Variants in XPO5 observed in about 807,000 individuals in gnomAD.
XPO5 encodes the protein exportin 5.
Under a neutral mutation model 160.6 loss-of-function variants are expected in XPO5, and 46 were observed. The ratio of observed to expected loss-of-function variants is 0.29; its 90% CI spans 0.23 to 0.37. The LOEUF (loss-of-function observed/expected upper bound fraction) is 0.37, where lower values mean the gene tolerates loss of function less well. Ranked by LOEUF, XPO5 falls within the 10% of genes least tolerant of loss-of-function variation. XPO5 has a pLI of 1.00. For missense variants in XPO5, 1,090 were observed against 1,463.9 expected (o/e 0.74, Z 4.17); for synonymous variants, 537 against 519.3 (o/e 1.03, Z -0.46).
intron 12 of XPO5, among the ~76,000 whole-genome samples, chr6:43,557,199 G>A (rs1228767928): frequency 1.3e-5 from 2 of 151,694 alleles, no homozygotes; most frequent in African/African-American, 4.9e-5. Flanking sequence ...AGCCGAGGCG[G>A]GTGGATCACG....
intron 7 of XPO5, among the ~76,000 whole-genome samples, chr6:43,566,472 A>G (rs1353395397): frequency 6.6e-6 from 1 of 152,134 alleles, no homozygotes; most frequent in Non-Finnish European, 1.5e-5. Flanking sequence ...ATTTGTAGAT[A>G]ATATTCCTAT....
intron 23 of XPO5, 70 bp downstream of exon 23, chr6:43,530,618 T>G (rs1437924116): frequency 6.5e-7 from 1 of 1,547,416 alleles, no homozygotes; most frequent in Admixed American, 1.8e-5. Flanking sequence ...CTCTGGTTGC[T>G]GTGACCTGTT....
chr6:43,556,628 A>G (rs1275254830), intron 12 of XPO5, among the ~76,000 whole-genome samples: 4 of 152,174 alleles, frequency 2.6e-5, no homozygotes, highest in Non-Finnish European at 4.4e-5. Flanking sequence ...AAAATATTAA[A>G]CTTGCAATTG....
chr6:43,531,582 G>A lies in XPO5; in HGVS notation c.2444-7C>T, dbSNP rs780197143. 1.2e-6 allele frequency: 2 copies of A among 1,608,878 alleles called. No individual in the cohort carries two copies. Among genetic ancestry groups the A allele is most frequent in the Non-Finnish European group, 1.7e-6 (2 of 1,175,288 alleles). On this transcript the variant is annotated splice_polypyrimidine_tract_variant and splice_region_variant and intron_variant, in intron 21 of 31. Transcript: ENST00000265351. Reference sequence around the variant, plus strand: ...AAGAGAGGTTGAGGTAATCCTACAGGGAAATACGGGTCAAGAACATGATGC... The same window carrying A: ...AAGAGAGGTTGAGGTAATCCTACAGAGAAATACGGGTCAAGAACATGATGC...
At chr6:43,546,865 T>A (rs1794989015) in intron 19 of XPO5, 113 bp from the exon 20 acceptor site, 1 of 1,071,170 alleles carries the variant, frequency 9.3e-7, no homozygotes, top group South Asian at 1.8e-5. Context: ...CCAGAGAGAA[T>A]GAAATAATCC....
At chr6:43,542,228 G>A (rs566782142) in intron 20 of XPO5, among the ~76,000 whole-genome samples, 2 of 152,114 alleles carry the variant, frequency 1.3e-5, no homozygotes, top group South Asian at 4.2e-4. Flanking sequence ...TGAAAGTACT[G>A]TAACACTTGA....
intron 11 of XPO5, 74 bp downstream of exon 11, chr6:43,560,104 C>A: frequency 1.3e-6 from 2 of 1,524,846 alleles, no homozygotes; most frequent in Admixed American, 1.9e-5. Context: ...TAGGCGTGAG[C>A]CACCGCACCC....
chr6:43,551,191 G>T, intron 15 of XPO5, 107 bp downstream of exon 15: 1 of 1,226,412 alleles, frequency 8.2e-7, no homozygotes, highest in Non-Finnish European at 1.1e-6. Context: ...AGTAATTTGA[G>T]TCCAGCCTGG....
chr6:43,557,617 G>C (rs113061002), intron 12 of XPO5, among the ~76,000 whole-genome samples: 2,804 of 152,072 alleles, frequency 0.018, 35 homozygotes, highest in South Asian at 0.039. Flanking sequence ...GGAATTGGGG[G>C]ATGACTCCTA....
chr6:43,572,597 A>G lies in XPO5; in HGVS notation c.228-19T>C. 1.2e-6 allele frequency: 2 copies of G among 1,613,464 alleles called. No individual in the cohort carries two copies. The highest frequency in any genetic ancestry group is 1.7e-6 in the Non-Finnish European group (2 of 1,179,424). ...CCGAAACCTGACCACCAAAATGCAT[A>G]AAGTCAATAGAACCACTTTAGAAGT... On this transcript the variant is annotated intron_variant, in intron 2 of 31. Transcript: ENST00000265351.
chr6:43,530,709 A>G lies in XPO5; in HGVS notation c.2656T>C (p.Tyr886His), dbSNP rs748403558. ...AFVNLNNIPD[Y>H]RLRPMLRVFV... ...ATATGAAGCATGGGTCTGAGTCGGT[A>G]GTCAGGAATATTGTTCAAGTTGACA... is the stretch of plus-strand genomic sequence containing the variant. The change falls in exon 23 of 32, where the codon TAC becomes CAC. Residue 886 changes from tyrosine to histidine, a missense_variant. Physicochemically the swap from Tyr to His is moderately conservative, Grantham distance 83. This residue lies in a region of XPO5 where 810 missense variants were observed against 1,139.0 expected (regional missense o/e 0.71). Coordinates refer to ENST00000265351, the MANE Select transcript of XPO5 (RefSeq NM_020750.3). 6.2e-7 allele frequency: 1 copy of G among 1,614,004 alleles called. No individual in the cohort carries two copies. Among genetic ancestry groups the G allele is most frequent in the Non-Finnish European group, 8.5e-7 (1 of 1,179,898 alleles).
At chr6:43,539,609 C>T in intron 20 of XPO5, 1 of 1,383,060 alleles carries the variant, frequency 7.2e-7, no homozygotes, top group Admixed American at 1.9e-5. Context: ...GCCCCGGATG[C>T]CACTGGCGAA....
chr6:43,568,060 G>A (rs1401153565), intron 6 of XPO5, among the ~76,000 whole-genome samples: 2 of 151,452 alleles, frequency 1.3e-5, no homozygotes, highest in African/African-American at 4.9e-5. Context: ...TGTAATCCCA[G>A]CACTTTGGGA....
Position 43,575,974 on chromosome 6 carries a change from G to A in XPO5, c.-110C>T. 2.8e-6 allele frequency: 3 copies of A among 1,079,426 alleles called. No homozygotes were observed. Among genetic ancestry groups the A allele is most frequent in the East Asian group, 2.7e-5 (1 of 37,128 alleles). The allele number at this position is 1,079,426 out of a possible 1,614,324, so 66.9% of individuals were successfully genotyped here. ...GGTACCGGGCCGCGGCGGGCGGCGG[G>A]GGTGGGAAGCTGGAGGAGGAGCGTT... On this transcript the variant is annotated 5_prime_UTR_variant, in exon 1 of 32. Transcript: ENST00000265351.
intron 20 of XPO5, among the ~76,000 whole-genome samples, chr6:43,534,936 G>A (rs1426352310): frequency 6.6e-6 from 1 of 152,000 alleles, no homozygotes; most frequent in Non-Finnish European, 1.5e-5. Context: ...CAGAGGTTGT[G>A]GTGAGCCGAG....
intron 12 of XPO5, 173 bp from the exon 13 acceptor site, chr6:43,556,137 G>A (rs1164487205): frequency 2.4e-6 from 2 of 847,350 alleles, no homozygotes; most frequent in African/African-American, 1.7e-5. Flanking sequence ...GAATCCAGAA[G>A]TTTTTGAAAA....
chr6:43,536,853 G>A (rs1014646366), intron 20 of XPO5, among the ~76,000 whole-genome samples: 2 of 150,320 alleles, frequency 1.3e-5, no homozygotes, highest in African/African-American at 2.5e-5. Context: ...TGGCTGGTAG[G>A]AATCTAATTG....
chr6:43,566,297 G>A (rs758879035), intron 7 of XPO5, among the ~76,000 whole-genome samples: 2 of 152,196 alleles, frequency 1.3e-5, no homozygotes, highest in African/African-American at 4.8e-5. Context: ...AGGAGGCTGA[G>A]GCAGGAGAAT....
chr6:43,563,095 T>C (rs1427601823), intron 8 of XPO5, among the ~76,000 whole-genome samples: 1 of 152,104 alleles, frequency 6.6e-6, no homozygotes, highest in Non-Finnish European at 1.5e-5. Flanking sequence ...GACTTCCTGG[T>C]AAGAAACATG....
Sources: allele counts gnomAD v4.1 joint callset (sites outside exome capture counted in the v4.1 genomes callset), GRCh38; gene constraint gnomAD v4.1.1; regional missense constraint gnomAD v4.1.1; transcripts MANE v1.5; gene names NCBI Gene and HGNC (gene_info 2026-07-23, HGNC 2026-07-21).